Variants in EFNA5 observed in about 807,000 individuals in gnomAD.
The protein encoded by EFNA5 is ephrin-A5.
Under a neutral mutation model 22.9 loss-of-function variants are expected in EFNA5, and 5 were observed. The ratio of observed to expected loss-of-function variants is 0.22; its 90% CI spans 0.11 to 0.46. The LOEUF is 0.46. Ranked by LOEUF, EFNA5 falls within the 20% of genes least tolerant of loss-of-function variation. The pLI is 0.99. For missense variants in EFNA5, 237 were observed against 293.3 expected, an observed-to-expected ratio of 0.81 and a Z score of 1.40; for synonymous variants, 113 against 112.2, an observed-to-expected ratio of 1.01 and a Z score of -0.04.
chr5:107,429,727 T>C (rs967927195), intron 1 of EFNA5, among the ~76,000 whole-genome samples: 7 of 152,168 alleles, frequency 4.6e-5, no homozygotes, highest in Non-Finnish European at 8.8e-5. Context: ...AGGAAATGTA[T>C]GGAACAAACT....
chr5:107,649,258 C>G (rs1376417741), intron 1 of EFNA5, among the ~76,000 whole-genome samples: 1 of 152,150 alleles, frequency 6.6e-6, no homozygotes, highest in Non-Finnish European at 1.5e-5. Context: ...AAAAACCTGA[C>G]TCCAGGCCTT....
chr5:107,585,170 C>T (rs960612589), intron 1 of EFNA5, among the ~76,000 whole-genome samples: 2 of 152,126 alleles, frequency 1.3e-5, no homozygotes, highest in Admixed American at 6.6e-5. Flanking sequence ...ATTTGAAGAA[C>T]ACAGTTTCAT....
rs1434816866 is a variant in EFNA5 at position 107,452,232 on chromosome 5, A to G, written c.126-24723T>C. Among the ~76,000 whole-genome samples the G allele has an allele frequency of 2.6e-5, 4 of 151,996 alleles. No individual in the cohort carries two copies. In the East Asian group the frequency reaches 7.7e-4, roughly 29 times the overall value. On this transcript the variant is annotated intron_variant, in intron 1 of 4. Coordinates refer to ENST00000333274, the MANE Select transcript of EFNA5 (RefSeq NM_001962.3). Reference sequence around the variant, plus strand: ...TTTTACCGGGGTTGGGGGTGAGGGGAGGGAACTTAGAGGACGGGTCAATAG... The same window carrying G: ...TTTTACCGGGGTTGGGGGTGAGGGGGGGGAACTTAGAGGACGGGTCAATAG...
chr5:107,583,497 G>T (rs879292563), intron 1 of EFNA5, among the ~76,000 whole-genome samples: 8 of 152,178 alleles, frequency 5.3e-5, no homozygotes, highest in Non-Finnish European at 1.2e-4. Flanking sequence ...ATGTGAACTT[G>T]CTTTTCCAGA....
At chr5:107,555,618 G>A (rs1748394039) in intron 1 of EFNA5, among the ~76,000 whole-genome samples, 2 of 152,110 alleles carry the variant, frequency 1.3e-5, no homozygotes, top group Admixed American at 6.5e-5. Context: ...ACAGAAGAAA[G>A]GAATGCAAAG....
intron 1 of EFNA5, among the ~76,000 whole-genome samples, chr5:107,533,584 G>A (rs1250857964): frequency 6.6e-6 from 1 of 152,160 alleles, no homozygotes; most frequent in East Asian, 1.9e-4. Context: ...ACAAAGGAAG[G>A]TCTACCTAAT....
chr5:107,613,274 A>G (rs538226034), intron 1 of EFNA5, among the ~76,000 whole-genome samples: 19 of 152,254 alleles, frequency 1.2e-4, no homozygotes, highest in Admixed American at 9.8e-4. Flanking sequence ...GGGCCTAGAA[A>G]AAATTGCTGA....
intron 2 of EFNA5, among the ~76,000 whole-genome samples, chr5:107,388,714 C>G (rs1419494061): frequency 2.6e-5 from 4 of 152,184 alleles, no homozygotes; most frequent in Non-Finnish European, 4.4e-5. Context: ...ACGAGCGTCG[C>G]ATACTTTCCT....
At chr5:107,539,884 C>T (rs1453518581) in intron 1 of EFNA5, among the ~76,000 whole-genome samples, 2 of 152,168 alleles carry the variant, frequency 1.3e-5, no homozygotes, top group East Asian at 1.9e-4. Context: ...GAATCATTCA[C>T]GCCACAGCTA....
intron 1 of EFNA5, among the ~76,000 whole-genome samples, chr5:107,520,766 G>A (rs1747579701): frequency 6.6e-6 from 1 of 152,162 alleles, no homozygotes; most frequent in African/African-American, 2.4e-5. Context: ...AACCAGATCT[G>A]CCTTAAGCAG....
At chr5:107,519,980 CTT>C (rs1218752224) in intron 1 of EFNA5, among the ~76,000 whole-genome samples, 1 of 152,156 alleles carries the variant, frequency 6.6e-6, no homozygotes, top group Non-Finnish European at 1.5e-5. Flanking sequence ...CTCATTCATG[CTT>C]TGTTTCCTTT....
At chr5:107,561,271 T>C (rs1013085729) in intron 1 of EFNA5, among the ~76,000 whole-genome samples, 4 of 152,202 alleles carry the variant, frequency 2.6e-5, no homozygotes, top group African/African-American at 9.6e-5. Context: ...TAAAATGCAA[T>C]TTATAAAATT....
chr5:107,538,635 A>T (rs1747975950), intron 1 of EFNA5, among the ~76,000 whole-genome samples: 1 of 152,214 alleles, frequency 6.6e-6, no homozygotes, highest in South Asian at 2.1e-4. Context: ...CTCATCTGAC[A>T]GTTTGTGTAG....
intron 1 of EFNA5, among the ~76,000 whole-genome samples, chr5:107,480,594 A>G (rs1233434891): frequency 2.0e-5 from 3 of 152,200 alleles, no homozygotes; most frequent in Non-Finnish European, 4.4e-5. Flanking sequence ...TGGAGAGGGG[A>G]GGTATCCAAT....
At chr5:107,464,150 C>A (rs1334912785) in intron 1 of EFNA5, among the ~76,000 whole-genome samples, 1 of 152,096 alleles carries the variant, frequency 6.6e-6, no homozygotes, top group Non-Finnish European at 1.5e-5. Flanking sequence ...ACACCCTGCC[C>A]CTAACCTCCT....
chr5:107,526,724 G>A (rs1214868908), intron 1 of EFNA5, among the ~76,000 whole-genome samples: 1 of 152,154 alleles, frequency 6.6e-6, no homozygotes, highest in Non-Finnish European at 1.5e-5. Context: ...TTATCCCTAG[G>A]AGATCAGAAG....
At chr5:107,537,819 C>G (rs1457028966) in intron 1 of EFNA5, among the ~76,000 whole-genome samples, 1 of 152,102 alleles carries the variant, frequency 6.6e-6, no homozygotes, top group African/African-American at 2.4e-5. Flanking sequence ...AATTACTGTG[C>G]AGTATTCAAA....
At chr5:107,449,754 C>T (rs1331606417) in intron 1 of EFNA5, among the ~76,000 whole-genome samples, 4 of 152,162 alleles carry the variant, frequency 2.6e-5, no homozygotes, top group African/African-American at 9.7e-5. Context: ...TTGTTTTACA[C>T]CTGCTCCTTC....
At chr5:107,426,346 C>A (rs1385967359) in intron 2 of EFNA5, among the ~76,000 whole-genome samples, 1 of 152,206 alleles carries the variant, frequency 6.6e-6, no homozygotes, top group African/African-American at 2.4e-5. Context: ...TCTTGCTACT[C>A]AAAGTGTGGT....
Sources: allele counts gnomAD v4.1 joint callset (sites outside exome capture counted in the v4.1 genomes callset), GRCh38; gene constraint gnomAD v4.1.1; transcripts MANE v1.5; gene names NCBI Gene and HGNC (gene_info 2026-07-23, HGNC 2026-07-21).